COL4A6: variants seen among roughly 807,000 people sequenced by gnomAD.
COL4A6 encodes the protein collagen type IV alpha 6 chain.
In COL4A6, 59 loss-of-function variants were observed where a neutral mutation model predicts 126.7. The observed-to-expected ratio is 0.47, with a 90% confidence interval of 0.38 to 0.58. COL4A6 has a LOEUF of 0.58. Ranked by LOEUF, COL4A6 falls within the 20% of genes least tolerant of loss-of-function variation. COL4A6 has a pLI of 0.00. For synonymous variants in COL4A6, 547 were observed against 496.6 expected (o/e 1.10, Z -1.35); for missense variants, 1,285 against 1,337.3 (o/e 0.96, Z 0.61).
chrX:108,269,108 A>G, intron 3 of COL4A6: 1 of 340,889 alleles, frequency 2.9e-6, no homozygotes, highest in South Asian at 2.6e-5. Flanking sequence ...CCTCACTGAA[A>G]TGGTAGAGCC....
chrX:108,237,754 C>A (rs1401450661), intron 3 of COL4A6, among the ~76,000 whole-genome samples: 2 of 111,281 alleles, frequency 1.8e-5, no homozygotes, highest in Non-Finnish European at 3.8e-5. Context: ...TCCCCATTCT[C>A]ATTTCTATCC....
chrX:108,257,998 G>A, intron 3 of COL4A6, among the ~76,000 whole-genome samples: 1 of 111,771 alleles, frequency 8.9e-6, no homozygotes, highest in East Asian at 2.8e-4. Context: ...AAAGAAGAAT[G>A]TTTGTCAGAA....
intron 3 of COL4A6, among the ~76,000 whole-genome samples, chrX:108,248,158 A>G (rs773275499): frequency 9.0e-6 from 1 of 111,681 alleles, no homozygotes; most frequent in Admixed American, 9.5e-5. Context: ...TATTTTGTTC[A>G]TTGTATTACA....
chrX:108,377,069 G>A (rs1239583568), intron 2 of COL4A6, among the ~76,000 whole-genome samples: 1 of 112,803 alleles, frequency 8.9e-6, no homozygotes, highest in Non-Finnish European at 1.9e-5. Context: ...GGCGTTTCCC[G>A]GAGAGGGGGA....
chrX:108,332,182 T>C (rs1045509216), intron 2 of COL4A6, among the ~76,000 whole-genome samples: 1 of 111,915 alleles, frequency 8.9e-6, no homozygotes, highest in Non-Finnish European at 1.9e-5. Flanking sequence ...AAAAACATGA[T>C]TCCATTCTTT....
intron 2 of COL4A6, among the ~76,000 whole-genome samples, chrX:108,350,856 C>T (rs759447534): frequency 1.2e-4 from 13 of 111,012 alleles, no homozygotes; most frequent in Non-Finnish European, 2.1e-4. Flanking sequence ...TTTCTGGTTT[C>T]GGGACAATGC....
In COL4A6 at chrX:108,170,733, G is replaced by T; in HGVS notation, c.3386-17C>A. The T allele has an allele frequency of 8.3e-7, 1 of 1,202,748 alleles. No homozygotes were observed. The highest frequency in any genetic ancestry group is 1.1e-6 in the Non-Finnish European group (1 of 888,707). ...CTGGAAATCCTAAATGTGAAACCAAGGCAGAGGTTCAGAATGGGGCATGGC... is the reference window on the plus strand; with the variant it reads ...CTGGAAATCCTAAATGTGAAACCAATGCAGAGGTTCAGAATGGGGCATGGC... On this transcript the variant is annotated splice_polypyrimidine_tract_variant and intron_variant, in intron 34 of 44. Coordinates refer to ENST00000334504, the MANE Select transcript of COL4A6 (RefSeq NM_033641.4).
At chrX:108,280,532 C>T (rs1438450314) in intron 3 of COL4A6, among the ~76,000 whole-genome samples, 3 of 111,629 alleles carry the variant, frequency 2.7e-5, no homozygotes, top group African/African-American at 6.5e-5. Flanking sequence ...AGTCCAGGAC[C>T]AGATAGATTC....
intron 2 of COL4A6, among the ~76,000 whole-genome samples, chrX:108,431,893 C>T (rs1473031590): frequency 8.9e-6 from 1 of 112,032 alleles, no homozygotes; most frequent in Non-Finnish European, 1.9e-5. Context: ...AATTTGATTC[C>T]ATGAACGTGT....
intron 2 of COL4A6, among the ~76,000 whole-genome samples, chrX:108,400,228 T>C (rs780945598): frequency 2.1e-4 from 23 of 111,525 alleles, no homozygotes; most frequent in African/African-American, 7.1e-4. Flanking sequence ...TCTAGGTTTG[T>C]CATTTAATTC....
At chrX:108,201,300 C>T (rs1444791550) in intron 13 of COL4A6, among the ~76,000 whole-genome samples, 1 of 111,850 alleles carries the variant, frequency 8.9e-6, no homozygotes, top group Non-Finnish European at 1.9e-5. Flanking sequence ...TCCCTATTCC[C>T]AATCCATGAA....
At chrX:108,423,598 T>C (rs954531002) in intron 2 of COL4A6, among the ~76,000 whole-genome samples, 2 of 111,603 alleles carry the variant, frequency 1.8e-5, no homozygotes, top group South Asian at 3.8e-4. Context: ...TCTCTCCAAA[T>C]AGAAGCTCTC....
chrX:108,220,987 A>G, intron 4 of COL4A6: 2 of 374,717 alleles, frequency 5.3e-6, no homozygotes, highest in South Asian at 5.5e-5. Context: ...AATCCCAGCT[A>G]CTTGGAAGGT....
chrX:108,157,608 C>T (rs762990127), intron 44 of COL4A6, among the ~76,000 whole-genome samples: 2 of 111,456 alleles, frequency 1.8e-5, no homozygotes, highest in South Asian at 3.8e-4. Context: ...AAAATTTCCT[C>T]GGACAAATGG....
intron 2 of COL4A6, among the ~76,000 whole-genome samples, chrX:108,344,465 C>T (rs889536040): frequency 9.0e-6 from 1 of 111,719 alleles, no homozygotes; most frequent in Admixed American, 9.5e-5. Context: ...GATTTTGGAA[C>T]ATAAAAGATA....
intron 3 of COL4A6, among the ~76,000 whole-genome samples, chrX:108,289,536 T>A (rs1005636520): frequency 2.7e-5 from 3 of 110,682 alleles, no homozygotes; most frequent in African/African-American, 6.6e-5. Flanking sequence ...TGTGCCAAGT[T>A]TTTGTTTTTG....
chrX:108,433,393 T>C (rs1025874248), intron 2 of COL4A6, among the ~76,000 whole-genome samples: 1 of 111,887 alleles, frequency 8.9e-6, no homozygotes, highest in African/African-American at 3.2e-5. Context: ...AAGGACTTGA[T>C]AGTTTAATAT....
At chrX:108,421,761 C>T (rs1417232379) in intron 2 of COL4A6, among the ~76,000 whole-genome samples, 1 of 111,274 alleles carries the variant, frequency 9.0e-6, no homozygotes. Context: ...AACTTAAGAA[C>T]CCCAGGTTAG....
At position 108,350,708 on chromosome X, in the gene COL4A6, C is replaced by T. The variant is rs190971371; in HGVS notation, c.64-39880G>A. 8.1e-5 allele frequency among the ~76,000 whole-genome samples: 9 copies of T among 111,383 alleles called. No homozygotes were observed. In the East Asian group the frequency reaches 1.1e-3, roughly 14 times the overall value. ...TCCCATAAGTAACAACTAAATCTTG[C>T]GGAACGCTGACTTTCATGTCTCTTT... On this transcript the variant is annotated intron_variant, in intron 2 of 44. Transcript: ENST00000334504.
Sources: allele counts gnomAD v4.1 joint callset (sites outside exome capture counted in the v4.1 genomes callset), GRCh38; gene constraint gnomAD v4.1.1; transcripts MANE v1.5; gene names NCBI Gene and HGNC (gene_info 2026-07-23, HGNC 2026-07-21).